CCSER1: variants seen among roughly 807,000 people sequenced by gnomAD.
The protein encoded by CCSER1 is serine-rich coiled-coil domain-containing protein 1.
In CCSER1, 41 loss-of-function variants were observed where a neutral mutation model predicts 82.0. The observed-to-expected ratio is 0.50, with a 90% CI of 0.39 to 0.65. The LOEUF (loss-of-function observed/expected upper bound fraction) is 0.65. Among genes scored for constraint, CCSER1 ranks in the 30% least tolerant of loss-of-function variants. The pLI is 0.00. For synonymous variants in CCSER1, 414 were observed against 383.9 expected (o/e 1.08, Z -0.92); for missense variants, 1,119 against 1,064.2 (o/e 1.05, Z -0.72).
chr4:90,635,949 A>G (rs529485217), intron 6 of CCSER1, among the ~76,000 whole-genome samples: 1 of 152,022 alleles, frequency 6.6e-6, no homozygotes, highest in East Asian at 1.9e-4. Flanking sequence ...TTAAATCCAA[A>G]CGAAGCATGT....
At chr4:91,348,856 C>T (rs1748253418) in intron 10 of CCSER1, among the ~76,000 whole-genome samples, 1 of 151,902 alleles carries the variant, frequency 6.6e-6, no homozygotes, top group Non-Finnish European at 1.5e-5. Context: ...CTTAACCTGG[C>T]TAGAGGTTGA....
chr4:91,211,855 T>G (rs934446381), intron 10 of CCSER1, among the ~76,000 whole-genome samples: 1 of 152,090 alleles, frequency 6.6e-6, no homozygotes, highest in Non-Finnish European at 1.5e-5. Context: ...GTGTGATACC[T>G]CCAAAGATCT....
intron 6 of CCSER1, among the ~76,000 whole-genome samples, chr4:90,716,517 T>A (rs1399452615): frequency 6.6e-6 from 1 of 152,122 alleles, no homozygotes; most frequent in Non-Finnish European, 1.5e-5. Context: ...ATTTTATAAC[T>A]TGAAACTTCT....
chr4:90,954,849 CT>C (rs971806337), intron 9 of CCSER1, among the ~76,000 whole-genome samples: 32 of 152,152 alleles, frequency 2.1e-4, no homozygotes, highest in African/African-American at 7.5e-4. Flanking sequence ...ACTTCTCTAA[CT>C]TCTCTCTTCA....
At chr4:90,648,389 A>G (rs1728118193) in intron 6 of CCSER1, among the ~76,000 whole-genome samples, 1 of 152,150 alleles carries the variant, frequency 6.6e-6, no homozygotes, top group African/African-American at 2.4e-5. Flanking sequence ...TATTCAAAAA[A>G]TTAAGTCATA....
intron 8 of CCSER1, among the ~76,000 whole-genome samples, chr4:90,866,712 G>T (rs1162850409): frequency 6.6e-6 from 1 of 152,010 alleles, no homozygotes; most frequent in African/African-American, 2.4e-5. Context: ...TTTCTCATCT[G>T]CAGCAGCAGT....
At chr4:90,499,229 ACTGT>A (rs953529378) in intron 5 of CCSER1, among the ~76,000 whole-genome samples, 1 of 151,936 alleles carries the variant, frequency 6.6e-6, no homozygotes, top group African/African-American at 2.4e-5. Flanking sequence ...TTAATTTGGT[ACTGT>A]CTTTTAAGTG....
intron 9 of CCSER1, among the ~76,000 whole-genome samples, chr4:90,972,962 T>G (rs947270429): frequency 6.6e-6 from 1 of 151,694 alleles, no homozygotes; most frequent in African/African-American, 2.4e-5. Context: ...GATATCCATA[T>G]GTAGAAGAAA....
chr4:90,302,728 A>G (rs1336309865), intron 1 of CCSER1, among the ~76,000 whole-genome samples: 2 of 152,174 alleles, frequency 1.3e-5, no homozygotes, highest in African/African-American at 4.8e-5. Context: ...GCTTGAGCCC[A>G]GGAATTCGAG....
At chr4:91,198,882 A>G (rs1049369527) in intron 10 of CCSER1, among the ~76,000 whole-genome samples, 3 of 152,130 alleles carry the variant, frequency 2.0e-5, no homozygotes, top group Non-Finnish European at 4.4e-5. Flanking sequence ...TCAGTTGTGA[A>G]CGTGTATTTA....
chr4:90,246,114 T>G (rs926927310), intron 1 of CCSER1, among the ~76,000 whole-genome samples: 5 of 152,188 alleles, frequency 3.3e-5, no homozygotes, highest in African/African-American at 1.2e-4. Context: ...TCAAAGATAA[T>G]GTAGTCTTTA....
intron 3 of CCSER1, among the ~76,000 whole-genome samples, chr4:90,399,334 A>G (rs1484323603): frequency 6.6e-6 from 1 of 152,122 alleles, no homozygotes; most frequent in Non-Finnish European, 1.5e-5. Flanking sequence ...GCTCTGATAT[A>G]TTATGGTATA....
chr4:91,250,562 C>T (rs1740174123), intron 10 of CCSER1, among the ~76,000 whole-genome samples: 1 of 151,226 alleles, frequency 6.6e-6, no homozygotes, highest in Admixed American at 6.6e-5. Flanking sequence ...GGCATGCATG[C>T]AAATTAAAAA....
chr4:90,828,837 A>G (rs1190906628), intron 8 of CCSER1, among the ~76,000 whole-genome samples: 1 of 152,150 alleles, frequency 6.6e-6, no homozygotes, highest in Non-Finnish European at 1.5e-5. Flanking sequence ...TTTTGCTCTT[A>G]CATTTGTTAG....
intron 5 of CCSER1, among the ~76,000 whole-genome samples, chr4:90,509,078 G>T (rs947438456): frequency 6.6e-6 from 1 of 152,014 alleles, no homozygotes; most frequent in East Asian, 1.9e-4. Flanking sequence ...GTCTCAGGTG[G>T]AAATCGCAAT....
At chr4:90,548,660 G>A (rs1171779650) in intron 5 of CCSER1, among the ~76,000 whole-genome samples, 1 of 151,446 alleles carries the variant, frequency 6.6e-6, no homozygotes, top group Admixed American at 6.6e-5. Flanking sequence ...TTTGTGTCAT[G>A]CTAAGCAGAA....
At chr4:91,556,369 TAAAG>T (rs1762404781) in intron 10 of CCSER1, among the ~76,000 whole-genome samples, 1 of 150,888 alleles carries the variant, frequency 6.6e-6, no homozygotes, top group African/African-American at 2.4e-5. Flanking sequence ...TTAATAAACT[TAAAG>T]AACACAGTGG....
At chr4:90,282,880 C>G (rs147641520) in intron 1 of CCSER1, among the ~76,000 whole-genome samples, 10 of 151,830 alleles carry the variant, frequency 6.6e-5, no homozygotes, top group Non-Finnish European at 4.4e-5. Context: ...ACTCTTAGAT[C>G]CGTTTGATGC....
At chr4:91,516,901 C>G (rs978056033) in intron 10 of CCSER1, among the ~76,000 whole-genome samples, 6 of 152,066 alleles carry the variant, frequency 3.9e-5, no homozygotes, top group Admixed American at 3.9e-4. Flanking sequence ...TTGTAATTCT[C>G]ATTGCAGAGA....
Sources: gnomAD v4.1 joint callset for allele counts (sites outside exome capture counted in the v4.1 genomes callset) on GRCh38, gnomAD v4.1.1 for gene constraint, MANE v1.5 for transcripts, NCBI Gene and HGNC (gene_info 2026-07-23, HGNC 2026-07-21) for gene names.